The following CDC40 variants were observed in gnomAD, a reference collection of about 807,000 sequenced individuals.
CDC40 encodes the protein pre-mRNA-processing factor 17.
A neutral mutation model predicts 80.6 loss-of-function variants in CDC40; 27 were observed. That is an observed-to-expected ratio of 0.33 (90% CI 0.25 to 0.46). The LOEUF (loss-of-function observed/expected upper bound fraction) is 0.46, where lower values mean the gene tolerates loss of function less well. Among genes scored for constraint, CDC40 ranks in the 20% least tolerant of loss-of-function variants. The probability of loss-of-function intolerance (pLI) is 1.00; values close to 1 mark genes in which losing one functional copy is unlikely to be tolerated. For missense variants in CDC40, 486 were observed against 694.1 expected (o/e 0.70, Z 3.37); for synonymous variants, 221 against 232.6 (o/e 0.95, Z 0.45).
chr6:110,193,293 G>C (rs1562200308), intron 2 of CDC40, 25 bp downstream of exon 2: 1 of 1,339,826 alleles, frequency 7.5e-7, no homozygotes. Flanking sequence ...TTAAGGTTCT[G>C]ACTTTTGCTA....
intron 2 of CDC40, among the ~76,000 whole-genome samples, chr6:110,194,327 A>G (rs1254722679): frequency 1.3e-5 from 2 of 152,206 alleles, no homozygotes; most frequent in Admixed American, 1.3e-4. Context: ...ATCTTATGGT[A>G]TCTTGGGGGA....
chr6:110,192,093 G>A (rs2114650813), intron 1 of CDC40, among the ~76,000 whole-genome samples: 2 of 152,210 alleles, frequency 1.3e-5, no homozygotes, highest in Non-Finnish European at 2.9e-5. Context: ...ACTCTGACTG[G>A]GGAGGTTACT....
intron 7 of CDC40, 56 bp from the exon 8 acceptor site, chr6:110,213,030 C>A: frequency 1.7e-6 from 2 of 1,167,302 alleles, no homozygotes; most frequent in Non-Finnish European, 2.6e-6. Flanking sequence ...CTTGATGCTT[C>A]ATTTGAGCTG....
Position 110,210,804 on chromosome 6 carries a change from G to C in CDC40, c.727+1G>C. ...GGGGAGGAGAAGACAATCTTACATG[G>C]TAACATATTTTTTGTACATCTTCAT... On this transcript the variant is annotated splice_donor_variant, in intron 6 of 14. Coordinates refer to ENST00000307731, the MANE Select transcript of CDC40 (RefSeq NM_015891.3). LOFTEE classifies it high-confidence loss of function. The C allele has an allele frequency of 6.7e-7, 1 of 1,489,916 alleles. No individual in the cohort carries two copies. Among genetic ancestry groups the C allele is most frequent in the Non-Finnish European group, 9.0e-7 (1 of 1,110,298 alleles). The allele number at this position is 1,489,916 out of a possible 1,614,324, so 92.3% of individuals were successfully genotyped here.
Position 110,219,751 on chromosome 6 carries a change from G to A in CDC40, c.1222G>A (p.Gly408Arg), listed in dbSNP as rs1461190844. ...KKIVQWDIRSGEIVQEYDRHL... is the reference protein window; with the variant it reads ...KKIVQWDIRSREIVQEYDRHL... The stretch of plus-strand genomic sequence containing the variant: ...TGATACACAGTGGGACATTCGAAGT[G>A]GAGAAATTGTGCAGGAATATGATCG... Residue 408 changes from glycine (G) to arginine (R), a missense_variant, in exon 12 of 15, where the codon GGA becomes AGA. Coordinates refer to ENST00000307731, the MANE Select transcript of CDC40 (RefSeq NM_015891.3). The A allele has an allele frequency of 6.2e-7, 1 of 1,613,970 alleles. No homozygotes were observed. The highest frequency in any genetic ancestry group is 8.5e-7 in the Non-Finnish European group (1 of 1,179,938).
intron 14 of CDC40, 112 bp from the exon 15 acceptor site, chr6:110,229,842 C>T: frequency 1.5e-6 from 1 of 647,510 alleles, no homozygotes; most frequent in Non-Finnish European, 2.7e-6. Context: ...TGTATATTTG[C>T]ATTGGATTTT....
intron 9 of CDC40, 70 bp downstream of exon 9, chr6:110,215,401 A>G (rs1169946923): frequency 3.4e-6 from 4 of 1,193,950 alleles, no homozygotes; most frequent in Non-Finnish European, 5.0e-6. Flanking sequence ...CATTGACAAT[A>G]ACTTTACTAC....
At chr6:110,186,441 G>A (rs796181123) in intron 1 of CDC40, among the ~76,000 whole-genome samples, 2 of 152,068 alleles carry the variant, frequency 1.3e-5, no homozygotes, top group African/African-American at 4.8e-5. Flanking sequence ...CCAGAATCAC[G>A]CCACTGCACT....
At chr6:110,221,995 C>G (rs1473464420) in intron 12 of CDC40, among the ~76,000 whole-genome samples, 2 of 151,796 alleles carry the variant, frequency 1.3e-5, no homozygotes, top group Non-Finnish European at 2.9e-5. Context: ...GTGGCTGATG[C>G]CTGTAATTCC....
intron 12 of CDC40, 45 bp from the exon 13 acceptor site, chr6:110,226,122 C>T (rs750418771): frequency 9.8e-7 from 1 of 1,018,544 alleles, no homozygotes; most frequent in Non-Finnish European, 1.5e-6. Context: ...TCTGAAGGTA[C>T]TTTTTAAAAG....
At chr6:110,210,603 T>A in intron 5 of CDC40, 104 bp from the exon 6 acceptor site, 7 of 327,214 alleles carry the variant, frequency 2.1e-5, no homozygotes, top group Non-Finnish European at 4.0e-5. Context: ...GGGAACATAC[T>A]CGGACCAGAT....
chr6:110,183,138 G>A (rs1037229784), intron 1 of CDC40, among the ~76,000 whole-genome samples: 22 of 152,128 alleles, frequency 1.4e-4, no homozygotes, highest in African/African-American at 3.1e-4. Flanking sequence ...CAGTCTCAGT[G>A]TATATGTTTC....
intron 4 of CDC40, among the ~76,000 whole-genome samples, chr6:110,208,231 T>A (rs1777589545): frequency 6.6e-6 from 1 of 152,212 alleles, no homozygotes; most frequent in African/African-American, 2.4e-5. Flanking sequence ...GGTCTCTGTA[T>A]ATGAGCTAGA....
chr6:110,222,994 A>G (rs568447351), intron 12 of CDC40, among the ~76,000 whole-genome samples: 1 of 152,364 alleles, frequency 6.6e-6, no homozygotes, highest in Non-Finnish European at 1.5e-5. Context: ...TGTATAAGGA[A>G]ATAAGATAGT....
chr6:110,219,591 G>A lies in CDC40; in HGVS notation c.1206+112G>A, dbSNP rs924628889. The A allele has an allele frequency of 6.9e-5, 77 of 1,115,344 alleles. 1 individual carries two copies. In the African/African-American group the frequency reaches 8.9e-4, roughly 13 times the overall value. The allele number at this position is 1,115,344 out of a possible 1,614,324, so 69.1% of individuals were successfully genotyped here. The stretch of plus-strand genomic sequence containing the variant: ...TTTAATGTTTGCTACTTTTAGGGAC[G>A]GCTAATGCACCATTCTTAGCAGAAA... On this transcript the variant is annotated intron_variant, in intron 11 of 14. Coordinates refer to ENST00000307731, the MANE Select transcript of CDC40 (RefSeq NM_015891.3).
chr6:110,211,049 T>A (rs1584075789), intron 6 of CDC40: 1 of 195,602 alleles, frequency 5.1e-6, no homozygotes, highest in South Asian at 1.9e-4. Flanking sequence ...ATGAATTTTA[T>A]TAAATGGTAG....
intron 8 of CDC40, among the ~76,000 whole-genome samples, chr6:110,213,566 A>C (rs1198551151): frequency 6.6e-6 from 1 of 152,014 alleles, no homozygotes; most frequent in Non-Finnish European, 1.5e-5. Flanking sequence ...TTTTAAGCTT[A>C]GACAACTGAT....
intron 1 of CDC40, 54 bp from the exon 2 acceptor site, chr6:110,193,128 A>G (rs1584063678): frequency 7.2e-6 from 8 of 1,104,184 alleles, no homozygotes; most frequent in Non-Finnish European, 9.7e-6. Flanking sequence ...TGTGGCTTCT[A>G]AAATAAAATA....
chr6:110,225,618 C>T (rs1777846851), intron 12 of CDC40, among the ~76,000 whole-genome samples: 1 of 152,160 alleles, frequency 6.6e-6, no homozygotes, highest in African/African-American at 2.4e-5. Context: ...CTGCCATCCA[C>T]CTGCATTGCT....
Sources: allele counts gnomAD v4.1 joint callset (sites outside exome capture counted in the v4.1 genomes callset), GRCh38; gene constraint gnomAD v4.1.1; transcripts MANE v1.5; gene names NCBI Gene and HGNC (gene_info 2026-07-23, HGNC 2026-07-21).